Variants in CDK14 observed in about 807,000 individuals in gnomAD.
The protein encoded by CDK14 is cyclin-dependent kinase 14.
In CDK14, 34 loss-of-function variants were observed where a neutral mutation model predicts 60.7. The observed-to-expected ratio is 0.56, with a 90% CI of 0.43 to 0.75. The LOEUF (loss-of-function observed/expected upper bound fraction) is 0.75. Among genes scored for constraint, CDK14 ranks in the 30% least tolerant of loss-of-function variants. The pLI, the probability that CDK14 is intolerant of heterozygous loss-of-function variation, is 0.00. For synonymous variants in CDK14, 197 were observed against 203.7 expected (o/e 0.97, Z 0.28); for missense variants, 482 against 564.1 (o/e 0.85, Z 1.47).
intron 5 of CDK14, among the ~76,000 whole-genome samples, chr7:90,805,988 C>T (rs923051739): frequency 1.3e-5 from 2 of 151,972 alleles, no homozygotes; most frequent in African/African-American, 2.4e-5. Flanking sequence ...AAAAATGAAC[C>T]CTGACATTTG....
chr7:90,773,843 CCTCCTCTCCTCTCCT>C (rs530779137), intron 4 of CDK14, among the ~76,000 whole-genome samples: 17,253 of 78,608 alleles, frequency 0.22, 1,901 homozygotes, highest in Middle Eastern at 0.36. Context: ...TCTTCTCTTC[CCTCCTCTCCTCTCCT>C]CTCCTCTCCT....
intron 6 of CDK14, among the ~76,000 whole-genome samples, chr7:90,893,735 T>C (rs1792210490): frequency 6.6e-6 from 1 of 152,206 alleles, no homozygotes; most frequent in African/African-American, 2.4e-5. Flanking sequence ...GAAAACAAAC[T>C]GTTTTTAGTT....
At chr7:90,717,246 T>TAAAACAC (rs1802281907) in intron 2 of CDK14, among the ~76,000 whole-genome samples, 1 of 152,134 alleles carries the variant, frequency 6.6e-6, no homozygotes, top group Non-Finnish European at 1.5e-5. Context: ...AACAAAACTG[T>TAAAACAC]ATCTCATCTG....
At chr7:91,099,581 G>A (rs983009492) in intron 12 of CDK14, among the ~76,000 whole-genome samples, 22 of 152,016 alleles carry the variant, frequency 1.4e-4, no homozygotes, top group African/African-American at 4.6e-4. Context: ...CTGTGAAGTC[G>A]GTGAAATAAT....
chr7:91,113,405 T>A (rs1480806743), intron 13 of CDK14, among the ~76,000 whole-genome samples: 1 of 152,242 alleles, frequency 6.6e-6, no homozygotes, highest in Non-Finnish European at 1.5e-5. Context: ...TACAGCCTTT[T>A]AAAATTACAT....
At chr7:90,652,978 A>G (rs2116481337) in intron 2 of CDK14, among the ~76,000 whole-genome samples, 1 of 152,228 alleles carries the variant, frequency 6.6e-6, no homozygotes, top group East Asian at 1.9e-4. Flanking sequence ...TTTCTTTTCC[A>G]TCCTGCTCTG....
chr7:91,124,511 T>G (rs1436327887), intron 14 of CDK14, among the ~76,000 whole-genome samples: 1 of 152,116 alleles, frequency 6.6e-6, no homozygotes, highest in Non-Finnish European at 1.5e-5. Context: ...CTTTCCTTTT[T>G]TTTTTCTCTG....
chr7:90,753,921 A>G (rs369589725), intron 4 of CDK14, among the ~76,000 whole-genome samples: 1 of 152,194 alleles, frequency 6.6e-6, no homozygotes, highest in Non-Finnish European at 1.5e-5. Context: ...ATGTCTAACC[A>G]AGGAGGTTAA....
At chr7:90,877,804 G>T (rs932550291) in intron 6 of CDK14, among the ~76,000 whole-genome samples, 1 of 152,026 alleles carries the variant, frequency 6.6e-6, no homozygotes, top group South Asian at 2.1e-4. Flanking sequence ...GAAAAAGAAA[G>T]GACCAGGGAT....
intron 9 of CDK14, among the ~76,000 whole-genome samples, chr7:90,977,640 C>T (rs1795117359): frequency 6.6e-6 from 1 of 152,072 alleles, no homozygotes. Context: ...TAACCTTTGT[C>T]ACATGGCTGA....
intron 8 of CDK14, among the ~76,000 whole-genome samples, chr7:90,945,061 T>C (rs1412403227): frequency 6.6e-6 from 1 of 152,172 alleles, no homozygotes; most frequent in African/African-American, 2.4e-5. Flanking sequence ...GGTAATTTGA[T>C]TGGCTGCTAA....
intron 14 of CDK14, among the ~76,000 whole-genome samples, chr7:91,203,089 T>A (rs1802780417): frequency 6.6e-6 from 1 of 152,008 alleles, no homozygotes; most frequent in Admixed American, 6.6e-5. Flanking sequence ...GTACTGGAAA[T>A]CAAATCATTC....
intron 14 of CDK14, among the ~76,000 whole-genome samples, chr7:91,170,045 G>A (rs1232204205): frequency 6.6e-6 from 1 of 152,202 alleles, no homozygotes; most frequent in African/African-American, 2.4e-5. Flanking sequence ...CCTGTTGCCT[G>A]GTTGCATTGC....
rs185844588 is a variant in CDK14, at chr7:90,794,138, T to G, written c.544+3486T>G. ...AGCCGTAAAACCAGCAAGTTTTTAT[T>G]AGTGATTTTCAAAAGGGGAGGGAGT... On this transcript the variant is annotated intron_variant, in intron 5 of 14. Coordinates refer to ENST00000380050, the MANE Select transcript of CDK14 (RefSeq NM_001287135.2). 3.1e-3 allele frequency among the ~76,000 whole-genome samples: 478 copies of G among 152,260 alleles called. 4 individuals carry two copies. The highest frequency in any genetic ancestry group is 0.011 in the African/African-American group (456 of 41,560).
chr7:90,709,629 G>GAAA, intron 2 of CDK14: 1 of 1,591,458 alleles, frequency 6.3e-7, no homozygotes, highest in Non-Finnish European at 8.6e-7. Flanking sequence ...ATCGTGTTTG[G>GAAA]AAAAAAAAAT....
At chr7:91,049,745 C>T (rs1343326874) in intron 11 of CDK14, among the ~76,000 whole-genome samples, 1 of 152,082 alleles carries the variant, frequency 6.6e-6, no homozygotes, top group East Asian at 1.9e-4. Context: ...AAGTTAAATA[C>T]ACTTATTATT....
At chr7:91,080,284 GA>G (rs1276356556) in intron 12 of CDK14, among the ~76,000 whole-genome samples, 3 of 152,028 alleles carry the variant, frequency 2.0e-5, no homozygotes, top group African/African-American at 7.2e-5. Flanking sequence ...TCCCAGTTAT[GA>G]AAAAAATAAC....
At chr7:91,020,670 G>T (rs537744520) in intron 10 of CDK14, among the ~76,000 whole-genome samples, 1 of 152,300 alleles carries the variant, frequency 6.6e-6, no homozygotes, top group Admixed American at 6.5e-5. Flanking sequence ...TTGAATCCCT[G>T]TTCTTCCTTT....
intron 2 of CDK14, among the ~76,000 whole-genome samples, chr7:90,649,422 CTTCTTTCTTTCTCT>C (rs1318916889): frequency 1.1e-4 from 7 of 62,084 alleles, no homozygotes; most frequent in African/African-American, 4.4e-4. Context: ...TCTTTCTTTC[CTTCTTTCTTTCTCT>C]TTCCTTCCTT....
Sources: allele counts gnomAD v4.1 joint callset (sites outside exome capture counted in the v4.1 genomes callset), GRCh38; gene constraint gnomAD v4.1.1; transcripts MANE v1.5; gene names NCBI Gene and HGNC (gene_info 2026-07-23, HGNC 2026-07-21).